TBL1X: variants seen among roughly 807,000 people sequenced by gnomAD.
The protein encoded by TBL1X is transducin beta like 1 X-linked.
Under a neutral mutation model 50.7 loss-of-function variants are expected in TBL1X, and 10 were observed. The observed-to-expected ratio is 0.20, with a 90% CI of 0.12 to 0.33. The LOEUF is 0.33. Among genes scored for constraint, TBL1X ranks in the 10% least tolerant of loss-of-function variants. The probability of loss-of-function intolerance (pLI) is 1.00; values close to 1 mark genes in which losing one functional copy is unlikely to be tolerated. For missense variants in TBL1X, 340 were observed against 504.4 expected (o/e 0.67, Z 3.12); for synonymous variants, 190 against 214.7 (o/e 0.88, Z 1.01).
chrX:9,503,901 T>TC (rs1229662852), intron 2 of TBL1X, among the ~76,000 whole-genome samples: 2 of 111,897 alleles, frequency 1.8e-5, no homozygotes, highest in South Asian at 7.4e-4. Context: ...TGAGTGGGTT[T>TC]CCCCCAAGCA....
At chrX:9,609,336 GGTGTGTGT>G (rs775969638) in intron 2 of TBL1X, among the ~76,000 whole-genome samples, 4 of 94,768 alleles carry the variant, frequency 4.2e-5, no homozygotes, top group African/African-American at 1.2e-4. Flanking sequence ...TTTTCTTCCA[GGTGTGTGT>G]GTGTGTGTGT....
At chrX:9,700,481 G>C (rs191258954) in intron 12 of TBL1X, among the ~76,000 whole-genome samples, 1 of 112,088 alleles carries the variant, frequency 8.9e-6, no homozygotes, top group Non-Finnish European at 1.9e-5. Context: ...AATTGCGTGA[G>C]CTTCTCACCT....
chrX:9,483,256 T>TA (rs1372769084), intron 1 of TBL1X, among the ~76,000 whole-genome samples: 1 of 111,991 alleles, frequency 8.9e-6, no homozygotes, highest in African/African-American at 3.2e-5. Context: ...GTTGAAGGAA[T>TA]AAAAATCTCA....
chrX:9,610,517 G>T (rs1189850617), intron 2 of TBL1X, among the ~76,000 whole-genome samples: 1 of 112,047 alleles, frequency 8.9e-6, no homozygotes, highest in Non-Finnish European at 1.9e-5. Context: ...GCTCTGTGCT[G>T]TCTTTGAAGC....
At chrX:9,648,686 C>T (rs1035444129) in intron 3 of TBL1X, among the ~76,000 whole-genome samples, 7 of 112,308 alleles carry the variant, frequency 6.2e-5, no homozygotes, top group African/African-American at 1.3e-4. Context: ...CAGACAGGAA[C>T]GGCACACCAG....
At chrX:9,554,031 C>T (rs1484308118) in intron 2 of TBL1X, among the ~76,000 whole-genome samples, 1 of 111,408 alleles carries the variant, frequency 9.0e-6, no homozygotes, top group African/African-American at 3.3e-5. Flanking sequence ...CAGGTGTGCA[C>T]CTCCACATCT....
At chrX:9,506,547 C>G (rs774874911) in intron 2 of TBL1X, among the ~76,000 whole-genome samples, 14 of 111,599 alleles carry the variant, frequency 1.3e-4, no homozygotes, top group Non-Finnish European at 2.4e-4. Context: ...AATAGATAGA[C>G]TGCTAGCTAG....
chrX:9,481,442 T>C (rs2146932770), intron 1 of TBL1X, among the ~76,000 whole-genome samples: 1 of 112,629 alleles, frequency 8.9e-6, no homozygotes, highest in African/African-American at 3.2e-5. Flanking sequence ...CTGATTTCTC[T>C]AGAATTTGAA....
Position 9,472,784 on chromosome X carries a change from G to A in TBL1X, c.-201+7337G>A, listed in dbSNP as rs191551944. ...AAAAATTAGCCAGGCATGGTGGTGG[G>A]CGCCTATAGTCCCAGCTCCTTGGGA... On this transcript the variant is annotated intron_variant, in intron 1 of 17. Coordinates refer to ENST00000645353, the MANE Select transcript of TBL1X (RefSeq NM_005647.4). Among the ~76,000 whole-genome samples, 309 of 110,001 alleles carry A rather than the reference G, an allele frequency of 2.8e-3. 1 individual carries two copies. Among genetic ancestry groups the A allele is most frequent in the African/African-American group, 9.7e-3 (293 of 30,141 alleles).
chrX:9,619,428 G>A (rs2082655498), intron 2 of TBL1X, among the ~76,000 whole-genome samples: 1 of 111,594 alleles, frequency 9.0e-6, no homozygotes, highest in African/African-American at 3.3e-5. Flanking sequence ...ATCCCTCCTG[G>A]CTTCTAGTTT....
chrX:9,679,529 A>T (rs573908413), intron 5 of TBL1X, among the ~76,000 whole-genome samples: 1 of 111,964 alleles, frequency 8.9e-6, no homozygotes, highest in African/African-American at 3.2e-5. Context: ...CCCTCACACG[A>T]TCTTTCATCG....
At chrX:9,556,359 C>T (rs2082299581) in intron 2 of TBL1X, among the ~76,000 whole-genome samples, 1 of 110,547 alleles carries the variant, frequency 9.0e-6, no homozygotes, top group Non-Finnish European at 1.9e-5. Context: ...CACACATTTA[C>T]TATCTTAACA....
intron 5 of TBL1X, among the ~76,000 whole-genome samples, chrX:9,662,602 T>C (rs1181436866): frequency 8.9e-6 from 1 of 111,744 alleles, no homozygotes; most frequent in Non-Finnish European, 1.9e-5. Context: ...GGGTACAGTT[T>C]CCATTTTGCA....
chrX:9,627,168 G>A lies in TBL1X; in HGVS notation c.-130-13105G>A, dbSNP rs931118463. On this transcript the variant is annotated intron_variant, in intron 2 of 17. Transcript: ENST00000645353. Reference sequence around the variant, plus strand: ...TGGGAATTGCACAGGTTTCATTCTCGAAAAGTTAACTGAATTGCACAGATC... The same window carrying A: ...TGGGAATTGCACAGGTTTCATTCTCAAAAAGTTAACTGAATTGCACAGATC... Among the ~76,000 whole-genome samples, 3 of 111,497 alleles carry A rather than the reference G, an allele frequency of 2.7e-5. No homozygotes were observed. In the Admixed American group the frequency reaches 2.9e-4, roughly 11 times the overall value.
At position 9,716,359 on chromosome X, in the gene TBL1X, C is replaced by A; in HGVS notation, c.*113C>A. 1 of 797,223 alleles carries A rather than the reference C, an allele frequency of 1.3e-6. No individual in the cohort carries two copies. The highest frequency in any genetic ancestry group is 2.5e-5 in the South Asian group (1 of 40,308). 65.7% of individuals were successfully genotyped at this position (797,223 alleles called of 1,213,427 possible). On this transcript the variant is annotated 3_prime_UTR_variant, in exon 18 of 18. Coordinates refer to ENST00000645353, the MANE Select transcript of TBL1X (RefSeq NM_005647.4). The stretch of plus-strand genomic sequence containing the variant: ...AACTTGACTTGCGTTAGAGTGTACT[C>A]TGAAACCAACTCGTCTCTGGCCGCA...
chrX:9,501,739 T>C (rs1052766460), intron 1 of TBL1X, 41 bp from the exon 2 acceptor site: 4 of 112,061 alleles, frequency 3.6e-5, no homozygotes, highest in Non-Finnish European at 5.6e-5. Flanking sequence ...TATGCTGTTT[T>C]CAGGTATGTG....
At chrX:9,713,423 TTTC>T (rs1220694156) in intron 16 of TBL1X, among the ~76,000 whole-genome samples, 4,608 of 93,789 alleles carry the variant, frequency 0.049, 160 homozygotes, top group Middle Eastern at 0.079. Context: ...CCTTAGGACT[TTTC>T]TTTTTTTTTT....
intron 5 of TBL1X, among the ~76,000 whole-genome samples, chrX:9,662,352 A>G (rs989756275): frequency 8.9e-6 from 1 of 112,129 alleles, no homozygotes; most frequent in Non-Finnish European, 1.9e-5. Flanking sequence ...GAACGTGTCC[A>G]TCCATACAGT....
intron 16 of TBL1X, 110 bp downstream of exon 16, chrX:9,711,886 A>G: frequency 1.1e-6 from 1 of 900,451 alleles, no homozygotes; most frequent in Non-Finnish European, 1.5e-6. Flanking sequence ...GAGCAAGCTC[A>G]GGCTCCCCGG....
Sources: allele counts gnomAD v4.1 joint callset (sites outside exome capture counted in the v4.1 genomes callset), GRCh38; gene constraint gnomAD v4.1.1; transcripts MANE v1.5; gene names NCBI Gene and HGNC (gene_info 2026-07-23, HGNC 2026-07-21).